The following CBR4 variants were observed in gnomAD, a reference collection of about 807,000 sequenced individuals.
The protein encoded by CBR4 is 3-oxoacyl-[acyl-carrier-protein] reductase.
CBR4 carries 22 observed loss-of-function variants against 21.0 expected under a neutral mutation model. That is an observed-to-expected ratio of 1.05 (90% CI 0.75 to 1.50). CBR4 has a LOEUF of 1.50. Among genes scored for constraint, CBR4 ranks in the 40% most tolerant of loss-of-function variants. The probability of loss-of-function intolerance (pLI) is 0.00; values close to 1 mark genes in which losing one functional copy is unlikely to be tolerated. For synonymous variants in CBR4, 100 were observed against 104.4 expected, an observed-to-expected ratio of 0.96 and a Z score of 0.26; for missense variants, 302 against 286.3, an observed-to-expected ratio of 1.05 and a Z score of -0.40.
chr4:168,970,223 A>G (rs1259147099), intron 2 of CBR4, among the ~76,000 whole-genome samples: 1 of 152,208 alleles, frequency 6.6e-6, no homozygotes, highest in Non-Finnish European at 1.5e-5. Context: ...GATAAATAAA[A>G]GGACTTAATT....
At chr4:168,929,858 A>G (rs185890307) in intron 2 of CBR4, among the ~76,000 whole-genome samples, 2 of 152,336 alleles carry the variant, frequency 1.3e-5, no homozygotes, top group Admixed American at 1.3e-4. Context: ...TTCAGCTATT[A>G]TTTTAGTGTA....
chr4:168,939,937 A>G (rs150635047), intron 2 of CBR4, among the ~76,000 whole-genome samples: 2,476 of 152,310 alleles, frequency 0.016, 55 homozygotes, highest in African/African-American at 0.04. Context: ...AGAAAAAACT[A>G]CTTTAAATTT....
chr4:168,949,578 G>C (rs942356302), intron 2 of CBR4, among the ~76,000 whole-genome samples: 5 of 152,058 alleles, frequency 3.3e-5, no homozygotes, highest in Non-Finnish European at 7.4e-5. Context: ...AATCATAAAG[G>C]GATGCTGGAT....
intron 2 of CBR4, among the ~76,000 whole-genome samples, chr4:168,906,752 A>G (rs561511106): frequency 3.3e-5 from 5 of 152,270 alleles, no homozygotes; most frequent in African/African-American, 7.2e-5. Flanking sequence ...AGCCTCCCAA[A>G]GCACTGGAAT....
chr4:168,920,282 C>T (rs558114891), intron 2 of CBR4, among the ~76,000 whole-genome samples: 1 of 152,300 alleles, frequency 6.6e-6, no homozygotes, highest in African/African-American at 2.4e-5. Context: ...TCCAAAACCT[C>T]TTCATCCTTT....
At chr4:168,936,287 AT>A (rs1240723575) in intron 2 of CBR4, among the ~76,000 whole-genome samples, 2 of 152,248 alleles carry the variant, frequency 1.3e-5, no homozygotes, top group Non-Finnish European at 2.9e-5. Flanking sequence ...AGTCACCAAC[AT>A]CAAATACCAA....
chr4:168,898,826 C>A, intron 2 of CBR4: 4 of 776,378 alleles, frequency 5.2e-6, no homozygotes, highest in Non-Finnish European at 6.8e-6. Context: ...TCTCAATACC[C>A]ACGATATAAA....
At chr4:168,974,945 G>A (rs928107610) in intron 2 of CBR4, among the ~76,000 whole-genome samples, 9 of 152,108 alleles carry the variant, frequency 5.9e-5, no homozygotes, top group Non-Finnish European at 1.3e-4. Flanking sequence ...TTGCTGGAGA[G>A]CTAGTGTGAT....
chr4:168,990,183 C>T lies in CBR4; in HGVS notation c.681G>A (p.Leu227=), dbSNP rs1764842052. 2 of 1,608,942 alleles carry T rather than the reference C, an allele frequency of 1.2e-6. No homozygotes were observed. Among genetic ancestry groups the T allele is most frequent in the Non-Finnish European group, 8.5e-7 (1 of 1,177,854 alleles). ...LESPYITGHV[L]VVDGGLQLIL is the part of the protein sequence containing the mutation. ...TGAGTTGTAATCCCCCATCCACTAC[C>T]AGAACATGCCCTGTAATATACGGTG... Residue 227 remains leucine (L), a synonymous_variant, in exon 5 of 5, where the codon CTG becomes CTA. Coordinates refer to ENST00000306193, the MANE Select transcript of CBR4 (RefSeq NM_032783.5).
intron 2 of CBR4, among the ~76,000 whole-genome samples, chr4:168,899,623 A>G (rs1756016961): frequency 6.6e-6 from 1 of 152,148 alleles, no homozygotes; most frequent in African/African-American, 2.4e-5. Context: ...TATAAAGAAA[A>G]TAGGTTTTAT....
intron 2 of CBR4, chr4:168,921,406 CAA>C (rs5863967): frequency 0.072 from 25,278 of 349,616 alleles, no homozygotes; most frequent in Middle Eastern, 0.11. Context: ...AAACTCTGTC[CAA>C]AAAAAAAAAA....
intron 3 of CBR4, 146 bp from the exon 4 acceptor site, chr4:169,002,351 G>T: frequency 1.2e-6 from 1 of 851,328 alleles, no homozygotes; most frequent in Non-Finnish European, 1.6e-6. Context: ...TCTAACCATT[G>T]TCATCAGTCA....
chr4:168,906,565 A>G (rs1757839588), intron 2 of CBR4, among the ~76,000 whole-genome samples: 1 of 152,224 alleles, frequency 6.6e-6, no homozygotes, highest in Non-Finnish European at 1.5e-5. Flanking sequence ...TACATATAAT[A>G]TCACATTGTA....
chr4:168,983,613 A>C (rs150205487), downstream of CBR4, among the ~76,000 whole-genome samples: 16 of 152,254 alleles, frequency 1.1e-4, no homozygotes, highest in African/African-American at 3.1e-4. Context: ...AAAAAAAAGA[A>C]AACTTTAGGC....
At chr4:168,926,947 TAAATG>T (rs1762648905) in intron 2 of CBR4, 1 of 219,306 alleles carries the variant, frequency 4.6e-6, no homozygotes, top group African/African-American at 2.2e-5. Flanking sequence ...CTACTTGCCT[TAAATG>T]TTAATATCAA....
At position 168,918,531 on chromosome 4, in the gene CBR4, G is replaced by A. The variant is rs541546853; in HGVS notation, n.170-23766C>T. ...GAATGGTGATTACCACGGGCTAGAC[G>A]GGGAGAGGGAAAGTTGGGGAAATGT... is the stretch of plus-strand genomic sequence containing the variant. On this transcript the variant is annotated intron_variant and non_coding_transcript_variant, in intron 2 of 3. Coordinates refer to the CBR4 transcript ENST00000509108. 3.0e-4 allele frequency among the ~76,000 whole-genome samples: 45 copies of A among 152,246 alleles called. No homozygotes were observed. In the East Asian group the frequency reaches 7.9e-3, roughly 27 times the overall value.
At chr4:168,913,837 GTC>G (rs2151406238) in intron 2 of CBR4, 1 of 897,900 alleles carries the variant, frequency 1.1e-6, no homozygotes, top group Admixed American at 1.7e-5. Context: ...ATGAAATAAT[GTC>G]TTATAGAGAA....
At chr4:168,909,038 T>C (rs990540626) in intron 2 of CBR4, among the ~76,000 whole-genome samples, 12 of 152,166 alleles carry the variant, frequency 7.9e-5, no homozygotes, top group African/African-American at 2.9e-4. Context: ...GCTCAAGCAA[T>C]TCATAAGAGA....
chr4:168,901,394 C>T (rs1029880489), intron 2 of CBR4, among the ~76,000 whole-genome samples: 15 of 152,130 alleles, frequency 9.9e-5, no homozygotes, highest in East Asian at 3.9e-4. Context: ...TCCATTAGTA[C>T]GCTTGGTAAA....
Sources: allele counts gnomAD v4.1 joint callset (sites outside exome capture counted in the v4.1 genomes callset), GRCh38; gene constraint gnomAD v4.1.1; transcripts MANE v1.5; gene names NCBI Gene and HGNC (gene_info 2026-07-23, HGNC 2026-07-21).